KIZ: variants seen among roughly 807,000 people sequenced by gnomAD.
KIZ encodes kizuna centrosomal protein, also known as centrosomal protein kizuna.
KIZ carries 68 observed loss-of-function variants against 79.6 expected under a neutral mutation model. That is an observed-to-expected ratio of 0.85 (90% CI 0.70 to 1.05). The LOEUF (loss-of-function observed/expected upper bound fraction) is 1.05. KIZ is among the 50% of genes least tolerant of loss of function. The pLI is 0.00. For missense variants in KIZ, 797 were observed against 800.4 expected, an observed-to-expected ratio of 1.00 and a Z score of 0.05; for synonymous variants, 280 against 281.8, an observed-to-expected ratio of 0.99 and a Z score of 0.06.
intron 3 of KIZ, among the ~76,000 whole-genome samples, chr20:21,137,613 A>G (rs1431418284): frequency 6.6e-6 from 1 of 150,612 alleles, no homozygotes; most frequent in Non-Finnish European, 1.5e-5. Flanking sequence ...ATATCTTGTT[A>G]TATTTGCTTT....
At chr20:21,206,641 C>T (rs930811738) in intron 7 of KIZ, among the ~76,000 whole-genome samples, 6 of 152,146 alleles carry the variant, frequency 3.9e-5, no homozygotes, top group African/African-American at 4.8e-5. Context: ...GTGCAGCATC[C>T]GATGCCAGGC....
At chr20:21,211,011 TAGC>T (rs1314815490) in intron 7 of KIZ, among the ~76,000 whole-genome samples, 2 of 152,350 alleles carry the variant, frequency 1.3e-5, no homozygotes, top group Non-Finnish European at 2.9e-5. Context: ...GCAATCTTTT[TAGC>T]AGTTTAATTT....
chr20:21,172,887 A>G (rs777165876), intron 6 of KIZ, among the ~76,000 whole-genome samples: 3 of 152,176 alleles, frequency 2.0e-5, no homozygotes, highest in Non-Finnish European at 2.9e-5. Context: ...GGGATGGGAT[A>G]TGTCTTGAGA....
chr20:21,151,195 T>TACATCAGTCTGTAC (rs2033099819), intron 4 of KIZ: 1 of 152,236 alleles, frequency 6.6e-6, no homozygotes, highest in South Asian at 2.1e-4. Context: ...TCTGGAGTCT[T>TACATCAGTCTGTAC]AATAAATACA....
At chr20:21,135,786 A>G (rs966097673) in intron 2 of KIZ, among the ~76,000 whole-genome samples, 7 of 152,188 alleles carry the variant, frequency 4.6e-5, no homozygotes, top group Non-Finnish European at 1.0e-4. Context: ...TGTTTTTGCT[A>G]TTATACTTTG....
intron 11 of KIZ, among the ~76,000 whole-genome samples, chr20:21,243,538 AAGAATCTC>A (rs1454351833): frequency 6.6e-6 from 1 of 152,160 alleles, no homozygotes; most frequent in Non-Finnish European, 1.5e-5. Context: ...GCAATTCTGA[AAGAATCTC>A]AGCATCATAA....
chr20:21,169,058 G>T lies in KIZ; in HGVS notation c.1352+5899G>T, dbSNP rs1182059530. ...CATGTCTAAAACACCAAAAGCAATGGCAACAAAAGCCAAAATTGACAAATG... is the reference window on the plus strand; with the variant it reads ...CATGTCTAAAACACCAAAAGCAATGTCAACAAAAGCCAAAATTGACAAATG... On this transcript the variant is annotated intron_variant, in intron 6 of 12. Transcript: ENST00000619189. Among the ~76,000 whole-genome samples the T allele has an allele frequency of 3.9e-5, 6 of 152,240 alleles. No homozygotes were observed. The Middle Eastern group carries it at 0.01, about 259-fold the overall frequency.
At chr20:21,211,739 G>A (rs2036076156) in intron 7 of KIZ, among the ~76,000 whole-genome samples, 1 of 152,178 alleles carries the variant, frequency 6.6e-6, no homozygotes, top group Non-Finnish European at 1.5e-5. Flanking sequence ...ACACTTTTCT[G>A]GAACATCTGC....
At chr20:21,152,946 AT>A (rs2033192434) in intron 4 of KIZ, among the ~76,000 whole-genome samples, 1 of 152,104 alleles carries the variant, frequency 6.6e-6, no homozygotes, top group Admixed American at 6.5e-5. Context: ...ACTATTAGGG[AT>A]TTTTATGTTT....
intron 4 of KIZ, among the ~76,000 whole-genome samples, chr20:21,161,477 A>G (rs985261059): frequency 1.0e-5 from 1 of 95,550 alleles, no homozygotes; most frequent in Non-Finnish European, 2.7e-5. Context: ...GATCACAGGC[A>G]CCTGCCACCG....
At chr20:21,174,725 A>G (rs2034362632) in intron 6 of KIZ, among the ~76,000 whole-genome samples, 1 of 152,232 alleles carries the variant, frequency 6.6e-6, no homozygotes, top group Non-Finnish European at 1.5e-5. Context: ...AAACTAAGTC[A>G]CATGAAAGCC....
chr20:21,182,456 G>T (rs1195452791), intron 6 of KIZ, among the ~76,000 whole-genome samples: 1 of 152,086 alleles, frequency 6.6e-6, no homozygotes, highest in Admixed American at 6.6e-5. Flanking sequence ...TTACTGGCAA[G>T]GGTTATTATA....
At chr20:21,202,292 T>C (rs1309232585) in intron 6 of KIZ, 2 of 152,248 alleles carry the variant, frequency 1.3e-5, no homozygotes, top group African/African-American at 4.8e-5. Flanking sequence ...CATAGTTGAC[T>C]TACTTATTAT....
At chr20:21,227,862 C>T (rs1438060338) in intron 9 of KIZ, among the ~76,000 whole-genome samples, 2 of 152,102 alleles carry the variant, frequency 1.3e-5, no homozygotes, top group Non-Finnish European at 1.5e-5. Flanking sequence ...CTAGTTTCAG[C>T]GACCTAAACT....
chr20:21,219,915 C>G (rs373897396), intron 9 of KIZ, among the ~76,000 whole-genome samples: 43 of 152,266 alleles, frequency 2.8e-4, no homozygotes, highest in African/African-American at 1.0e-3. Context: ...CTCCTGGGCA[C>G]ACACTGATGC....
At chr20:21,169,670 G>T (rs1413383121) in intron 6 of KIZ, among the ~76,000 whole-genome samples, 2 of 152,136 alleles carry the variant, frequency 1.3e-5, no homozygotes, top group Non-Finnish European at 2.9e-5. Flanking sequence ...CAAAGACTTG[G>T]AACCAACCCA....
intron 6 of KIZ, among the ~76,000 whole-genome samples, chr20:21,186,822 A>G (rs1568956954): frequency 6.6e-6 from 1 of 151,736 alleles, no homozygotes; most frequent in Non-Finnish European, 1.5e-5. Context: ...CTTCTTCCAC[A>G]CTTAATCCAT....
At chr20:21,225,421 G>A (rs111868629) in intron 9 of KIZ, among the ~76,000 whole-genome samples, 3,383 of 152,258 alleles carry the variant, frequency 0.022, 79 homozygotes, top group Non-Finnish European at 0.028. Flanking sequence ...ATGGGGGGAA[G>A]TGTTTCCCTG....
intron 4 of KIZ, among the ~76,000 whole-genome samples, chr20:21,159,311 G>A (rs1490494407): frequency 6.6e-6 from 1 of 151,980 alleles, no homozygotes; most frequent in Non-Finnish European, 1.5e-5. Flanking sequence ...CAGATTAGCT[G>A]CATAACTTAA....
Sources: allele counts gnomAD v4.1 joint callset (sites outside exome capture counted in the v4.1 genomes callset), GRCh38; gene constraint gnomAD v4.1.1; transcripts MANE v1.5; gene names NCBI Gene and HGNC (gene_info 2026-07-23, HGNC 2026-07-21).